Variants in CEP131 observed in about 807,000 individuals in gnomAD.
CEP131 encodes the protein centrosomal protein of 131 kDa.
CEP131 carries 99 observed loss-of-function variants against 136.8 expected under a neutral mutation model. The ratio of observed to expected loss-of-function variants is 0.72; its 90% CI spans 0.62 to 0.86. The LOEUF (loss-of-function observed/expected upper bound fraction) is 0.86, where lower values mean the gene tolerates loss of function less well. Ranked by LOEUF, CEP131 falls within the 40% of genes least tolerant of loss-of-function variation. CEP131 has a pLI of 0.00. For missense variants in CEP131, 1,459 were observed against 1,463.0 expected, an observed-to-expected ratio of 1.00 and a Z score of 0.04; for synonymous variants, 646 against 612.7, an observed-to-expected ratio of 1.05 and a Z score of -0.80.
chr17:81,195,611 A>G (rs893598738), intron 16 of CEP131, among the ~76,000 whole-genome samples: 1 of 151,894 alleles, frequency 6.6e-6, no homozygotes, highest in African/African-American at 2.4e-5. Context: ...CATCTGTGAC[A>G]GCAGGCCCAC....
Position 81,189,978 on chromosome 17 carries a change from G to A in CEP131, c.3108-3C>T, listed in dbSNP as rs2061602944. 6.2e-7 allele frequency: 1 copy of A among 1,607,000 alleles called. No homozygotes were observed. Among genetic ancestry groups the A allele is most frequent in the Non-Finnish European group, 8.5e-7 (1 of 1,175,546 alleles). On this transcript the variant is annotated splice_region_variant and splice_polypyrimidine_tract_variant and intron_variant, in intron 24 of 25. Transcript: ENST00000450824. ...TCCTCGCGAGGGCTGTCTTCACCCT[G>A]TGGGTAGTACATGGTAGGCTTCAGT...
intron 3 of CEP131, among the ~76,000 whole-genome samples, chr17:81,207,496 TG>T (rs2146647181): frequency 6.7e-6 from 1 of 148,198 alleles, no homozygotes; most frequent in African/African-American, 2.5e-5. Flanking sequence ...GGGCCTTATT[TG>T]TTTTTTCTTT....
At position 81,199,556 on chromosome 17, in the gene CEP131, T is replaced by C; in HGVS notation, c.1024-7A>G. On this transcript the variant is annotated splice_region_variant and splice_polypyrimidine_tract_variant and intron_variant, in intron 9 of 25. Coordinates refer to ENST00000450824, the MANE Select transcript of CEP131 (RefSeq NM_014984.4). ...CTCGTTTCTGTTGCAGCTCCTGCAG[T>C]GGGAGCATCGCTGAGCACTGTCCCT... The C allele has an allele frequency of 6.2e-7, 1 of 1,602,922 alleles. No individual in the cohort carries two copies. Among genetic ancestry groups the C allele is most frequent in the Admixed American group, 1.7e-5 (1 of 59,030 alleles).
intron 13 of CEP131, 163 bp downstream of exon 13, chr17:81,197,549 G>C: frequency 1.8e-6 from 2 of 1,107,042 alleles, no homozygotes; most frequent in Non-Finnish European, 1.2e-6. Flanking sequence ...TACATGGTGA[G>C]GGACCACCTC....
intron 24 of CEP131, 42 bp from the exon 25 acceptor site, chr17:81,190,017 C>A (rs199540519): frequency 6.4e-7 from 1 of 1,557,310 alleles, no homozygotes; most frequent in Admixed American, 1.8e-5. Context: ...GCCCCCGCCC[C>A]ATGTCCCCAG....
Position 81,192,504 on chromosome 17 carries a change from C to A in CEP131, c.2519G>T (p.Gly840Val), listed in dbSNP as rs1048735162. 1 of 1,611,692 alleles carries A rather than the reference C, an allele frequency of 6.2e-7. No homozygotes were observed. Among genetic ancestry groups the A allele is most frequent in the Non-Finnish European group, 8.5e-7 (1 of 1,179,782 alleles). The change falls in exon 20 of 26, where the codon GGC (glycine) becomes GTC (valine). Residue 840 changes from glycine (G) to valine (V), a missense_variant. Gly to Val is a moderately radical substitution (Grantham distance 109). Transcript: ENST00000450824. ...TRALRAEFEKGREEQERRHQM... is the reference protein window; with the variant it reads ...TRALRAEFEKVREEQERRHQM... ...GTGCCGGCGCTCCTGCTCCTCCCTGCCCTTCTCAAACTCAGCCCTCAGGGC... is the reference window on the plus strand; with the variant it reads ...GTGCCGGCGCTCCTGCTCCTCCCTGACCTTCTCAAACTCAGCCCTCAGGGC...
At chr17:81,207,834 C>G (rs2062040133) in intron 3 of CEP131, among the ~76,000 whole-genome samples, 1 of 133,258 alleles carries the variant, frequency 7.5e-6, no homozygotes, top group Admixed American at 7.6e-5. Flanking sequence ...CACAACTGAT[C>G]AGGTGGGATC....
At chr17:81,200,741 A>T (rs1259342301) in intron 7 of CEP131, among the ~76,000 whole-genome samples, 2 of 152,204 alleles carry the variant, frequency 1.3e-5, no homozygotes, top group African/African-American at 2.4e-5. Context: ...AAGTGGGAAG[A>T]GTTCAAATGC....
chr17:81,208,276 C>A lies in CEP131; in HGVS notation c.272+652G>T, dbSNP rs1306814674. 6.6e-6 allele frequency among the ~76,000 whole-genome samples: 1 copy of A among 152,230 alleles called. No homozygotes were observed. Among genetic ancestry groups the A allele is most frequent in the African/African-American group, 2.4e-5 (1 of 41,468 alleles). ...TTGGTCTTCCCAGGAAGGGTCCACC[C>A]GGGGCCCTTGGTGACCCAGAACTCA... On this transcript the variant is annotated intron_variant, in intron 3 of 25. Transcript: ENST00000450824. This position sits in a 1 kb window ranked among gnomAD's most constrained non-coding sequence, Gnocchi z 5.6.
rs2061931813 is a variant in CEP131 at position 81,203,199 on chromosome 17, T to A, written c.629+295A>T. Among the ~76,000 whole-genome samples, 1 of 152,088 alleles carries A rather than the reference T, an allele frequency of 6.6e-6. No homozygotes were observed. Among genetic ancestry groups the A allele is most frequent in the Admixed American group, 6.5e-5 (1 of 15,276 alleles). On this transcript the variant is annotated intron_variant, in intron 6 of 25. Transcript: ENST00000450824. This position sits in a 1 kb window ranked among gnomAD's most constrained non-coding sequence, Gnocchi z 4.6. The stretch of plus-strand genomic sequence containing the variant: ...TCAGGGTGAGCCCCAGACCTCACTG[T>A]GCCACATCTGGGCTGTTTTCTCTCT...
chr17:81,193,039 C>T (rs549105058), intron 18 of CEP131, among the ~76,000 whole-genome samples, 196 bp from the exon 19 acceptor site: 2 of 152,364 alleles, frequency 1.3e-5, no homozygotes, highest in Admixed American at 6.5e-5. Flanking sequence ...AGGAACTTGC[C>T]CATCAGCCAA....
In CEP131 at chr17:81,202,398, G is replaced by A. The variant is rs150400895; in HGVS notation, c.630C>T (p.Asn210=). The A allele has an allele frequency of 1.2e-6, 2 of 1,612,556 alleles. No individual in the cohort carries two copies. The highest frequency in any genetic ancestry group is 8.5e-7 in the Non-Finnish European group (1 of 1,179,710). ...CACAGGTGGCTGCCTTGATGATGTT[G>A]CTGACAGGTAAGAAGAAAACACCCT... ...KSSNQTAPSL[N]NIIKAATCEG... is the part of the protein sequence containing the mutation. Residue 210 remains asparagine (N), a splice_region_variant and synonymous_variant, in exon 7 of 26, where the codon AAC becomes AAT. Transcript: ENST00000450824.
intron 18 of CEP131, among the ~76,000 whole-genome samples, chr17:81,193,108 C>T (rs534924877): frequency 2.6e-5 from 4 of 152,334 alleles, no homozygotes; most frequent in South Asian, 2.1e-4. Flanking sequence ...GCTGTGGAGC[C>T]GCGTCCAGGC....
chr17:81,202,317 G>C lies in CEP131; in HGVS notation c.711C>G (p.Thr237=), dbSNP rs773605829. 1 of 1,613,674 alleles carries C rather than the reference G, an allele frequency of 6.2e-7. No individual in the cohort carries two copies. Among genetic ancestry groups the C allele is most frequent in the South Asian group, 1.1e-5 (1 of 91,076 alleles). Residue 237 remains threonine, a synonymous_variant, in exon 7 of 26, where the codon ACC becomes ACG. Coordinates refer to ENST00000450824, the MANE Select transcript of CEP131 (RefSeq NM_014984.4). ...CCCCAGTATTGTTCCGGGCTGAGTG[G>C]GTGGCACTGGAGACATTCTTCGGCA... ...GKLPKNVSSA[T]HSARNNTGGS...
In CEP131 at chr17:81,192,719, G is replaced by A. The variant is rs1408119599; in HGVS notation, c.2429+17C>T. The A allele has an allele frequency of 6.5e-7, 1 of 1,534,890 alleles. No individual in the cohort carries two copies. On this transcript the variant is annotated intron_variant, in intron 19 of 25. Transcript: ENST00000450824. ...CGAGGGGTCCCTGGGAGAGGGCGTG[G>A]TGCCCCCGGGCGGCACCTGGCTGCC...
chr17:81,192,337 G>A lies in CEP131; in HGVS notation c.2603C>T (p.Ala868Val). 6.4e-7 allele frequency: 1 copy of A among 1,567,518 alleles called. No homozygotes were observed. Among genetic ancestry groups the A allele is most frequent in the Non-Finnish European group, 8.6e-7 (1 of 1,158,012 alleles). The change falls in exon 21 of 26, where the codon GCC (alanine) becomes GTC (valine). Residue 868 changes from alanine to valine, a missense_variant. This residue lies in a region of CEP131 where 1,026 missense variants were observed against 964.2 expected (regional missense o/e 1.06). Transcript: ENST00000450824. ...QLELERQAWE[A>V]GRTRKEEAWL... ...CCCCACCTCCTTCCTGGTGCGGCCG[G>A]CCTCCCACGCCTGCCTCTCCAGCTC...
At chr17:81,210,829 CAA>C (rs11379490) in intron 2 of CEP131, among the ~76,000 whole-genome samples, 16 of 136,114 alleles carry the variant, frequency 1.2e-4, no homozygotes, top group Non-Finnish European at 1.3e-4. Context: ...AAAAAAAGAC[CAA>C]AAAAAAAAAA....
chr17:81,191,369 C>G (rs2061637796), intron 21 of CEP131, 34 bp from the exon 22 acceptor site: 1 of 1,610,898 alleles, frequency 6.2e-7, no homozygotes, highest in African/African-American at 1.3e-5. Context: ...GGGTTGCCAC[C>G]CGGAGCCGGC....
At chr17:81,201,925 C>A (rs943802934) in intron 7 of CEP131, among the ~76,000 whole-genome samples, 4 of 152,048 alleles carry the variant, frequency 2.6e-5, no homozygotes, top group African/African-American at 4.8e-5. Context: ...CACGGTGAAA[C>A]CCCGTCTCTA....
Sources: allele counts gnomAD v4.1 joint callset (sites outside exome capture counted in the v4.1 genomes callset), GRCh38; gene constraint gnomAD v4.1.1; regional missense constraint gnomAD v4.1.1; non-coding constraint Gnocchi (gnomAD v3.1); transcripts MANE v1.5; gene names NCBI Gene and HGNC (gene_info 2026-07-23, HGNC 2026-07-21).